The following ADAMTSL3 variants were observed in gnomAD, a reference collection of about 807,000 sequenced individuals.
ADAMTSL3 encodes ADAMTS like 3.
ADAMTSL3 carries 128 observed loss-of-function variants against 201.7 expected under a neutral mutation model. That is an observed-to-expected ratio of 0.63 (90% CI 0.55 to 0.73). The LOEUF (loss-of-function observed/expected upper bound fraction) is 0.73, where lower values mean the gene tolerates loss of function less well. Ranked by LOEUF, ADAMTSL3 falls within the 30% of genes least tolerant of loss-of-function variation. The pLI, the probability that ADAMTSL3 is intolerant of heterozygous loss-of-function variation, is 0.00. For synonymous variants in ADAMTSL3, 738 were observed against 748.4 expected, an observed-to-expected ratio of 0.99 and a Z score of 0.23; for missense variants, 1,990 against 2,119.6, an observed-to-expected ratio of 0.94 and a Z score of 1.20.
chr15:83,683,797 GTC>G lies in ADAMTSL3; in HGVS notation c.70-20589_70-20588del, dbSNP rs1435685961. Among the ~76,000 whole-genome samples the G allele has an allele frequency of 2.6e-5, 4 of 152,182 alleles. No individual in the cohort carries two copies. In the South Asian group the frequency reaches 6.2e-4, roughly 24 times the overall value. ...CCATTCCATGGCCCTTTCCACACTT[GTC>G]TCATACTTTCAACACCTGAGCTTCT... On this transcript the variant is annotated intron_variant, in intron 2 of 29. Coordinates refer to ENST00000286744, the MANE Select transcript of ADAMTSL3 (RefSeq NM_207517.3).
chr15:83,834,149 C>G (rs542525775), intron 6 of ADAMTSL3, among the ~76,000 whole-genome samples: 1 of 152,284 alleles, frequency 6.6e-6, no homozygotes, highest in Non-Finnish European at 1.5e-5. Flanking sequence ...TAGAACGTCT[C>G]GGAGACTCAG....
chr15:83,787,351 ACATTTTATTC>A (rs2063281167), intron 4 of ADAMTSL3, among the ~76,000 whole-genome samples: 2 of 152,198 alleles, frequency 1.3e-5, no homozygotes, highest in Non-Finnish European at 2.9e-5. Flanking sequence ...TAAATTTAAT[ACATTTTATTC>A]CATAAATTAA....
chr15:83,867,934 A>G (rs2065009357), intron 8 of ADAMTSL3, among the ~76,000 whole-genome samples: 1 of 152,240 alleles, frequency 6.6e-6, no homozygotes, highest in Non-Finnish European at 1.5e-5. Flanking sequence ...TAAAGGCATC[A>G]CTAGAGACCT....
chr15:83,818,360 T>C (rs940764908), intron 5 of ADAMTSL3, among the ~76,000 whole-genome samples: 1 of 152,230 alleles, frequency 6.6e-6, no homozygotes, highest in African/African-American at 2.4e-5. Flanking sequence ...AGAGTCTCGC[T>C]CTGTCACTCA....
At position 84,025,344 on chromosome 15, in the gene ADAMTSL3, G is replaced by T. The variant is rs201111545; in HGVS notation, c.4564G>T (p.Val1522Leu). Residue 1522 changes from valine (V) to leucine (L), a missense_variant, in exon 27 of 30, where the codon GTG (valine) becomes TTG (leucine). Physicochemically the swap from Val to Leu is conservative, Grantham distance 32. Transcript: ENST00000286744. ...AAAAGCCAATGGAACTGTGCAGGTG[G>T]TGTCTCCAAGAGCATGTGCCCCTAA... is the stretch of plus-strand genomic sequence containing the variant. ...RTKANGTVQV[V>L]SPRACAPKDR... 9 of 1,614,190 alleles carry T rather than the reference G, an allele frequency of 5.6e-6. No homozygotes were observed. Among genetic ancestry groups the T allele is most frequent in the Non-Finnish European group, 7.6e-6 (9 of 1,180,030 alleles).
At chr15:83,887,712 C>T (rs2065423871) in intron 10 of ADAMTSL3, among the ~76,000 whole-genome samples, 1 of 152,158 alleles carries the variant, frequency 6.6e-6, no homozygotes, top group South Asian at 2.1e-4. Flanking sequence ...GCCTCAGCTT[C>T]CCGAGTAGCT....
At chr15:83,702,753 G>A (rs1485202251) in intron 2 of ADAMTSL3, among the ~76,000 whole-genome samples, 1 of 152,194 alleles carries the variant, frequency 6.6e-6, no homozygotes, top group Non-Finnish European at 1.5e-5. Flanking sequence ...GCAGGGGCGG[G>A]GCCCTCATGA....
Position 83,910,751 on chromosome 15 carries a change from C to T in ADAMTSL3, c.1701-2341C>T, listed in dbSNP as rs539107247. ...CTTGGTTCAGGCGATTCTCCTGCCT[C>T]AGCCTCCCAAGTAGCTGGGATTACA... On this transcript the variant is annotated intron_variant, in intron 15 of 29. Coordinates refer to ENST00000286744, the MANE Select transcript of ADAMTSL3 (RefSeq NM_207517.3). Among the ~76,000 whole-genome samples, 10 of 151,652 alleles carry T rather than the reference C, an allele frequency of 6.6e-5. 1 individual carries two copies. The South Asian group carries it at 2.1e-3, about 32-fold the overall frequency.
intron 23 of ADAMTSL3, among the ~76,000 whole-genome samples, chr15:84,002,112 A>G (rs2067800890): frequency 6.6e-6 from 1 of 152,182 alleles, no homozygotes; most frequent in Non-Finnish European, 1.5e-5. Context: ...TGCATTTTTT[A>G]TCAATCTCAG....
intron 5 of ADAMTSL3, among the ~76,000 whole-genome samples, chr15:83,812,494 G>T (rs950220130): frequency 6.6e-6 from 1 of 152,178 alleles, no homozygotes; most frequent in Non-Finnish European, 1.5e-5. Flanking sequence ...TTCCAGGACC[G>T]TAAAAGCCCT....
intron 19 of ADAMTSL3, among the ~76,000 whole-genome samples, chr15:83,965,219 G>C (rs750500350): frequency 2.6e-5 from 4 of 152,042 alleles, no homozygotes; most frequent in Non-Finnish European, 5.9e-5. Flanking sequence ...TTAAAAGACA[G>C]AGACTGGCAA....
chr15:83,883,936 C>T (rs544515697), intron 9 of ADAMTSL3, among the ~76,000 whole-genome samples: 24 of 149,380 alleles, frequency 1.6e-4, no homozygotes, highest in South Asian at 6.4e-4. Flanking sequence ...TTTGTTGCCC[C>T]GGCTGGAGTG....
Position 83,703,400 on chromosome 15 carries a change from A to G in ADAMTSL3, c.70-989A>G, listed in dbSNP as rs2061802129. On this transcript the variant is annotated intron_variant, in intron 2 of 29. Transcript: ENST00000286744. ...ATTTGGAGGGGCCAGGGGTGGAGTG[A>G]TATGGTTTGGCTCTGTGTCCCCACT... 2.0e-5 allele frequency among the ~76,000 whole-genome samples: 3 copies of G among 152,160 alleles called. 1 individual carries two copies. The South Asian group carries it at 6.2e-4, about 32-fold the overall frequency.
At chr15:83,675,779 A>G (rs1596008241) in intron 2 of ADAMTSL3, among the ~76,000 whole-genome samples, 1 of 152,084 alleles carries the variant, frequency 6.6e-6, no homozygotes, top group Non-Finnish European at 1.5e-5. Flanking sequence ...TAACAGTTAT[A>G]TAGTATTATT....
At chr15:83,742,399 A>C (rs1045514795) in intron 3 of ADAMTSL3, among the ~76,000 whole-genome samples, 1 of 152,158 alleles carries the variant, frequency 6.6e-6, no homozygotes, top group Non-Finnish European at 1.5e-5. Context: ...CTAAACTTCC[A>C]ACTTATGACA....
rs775430764 is a variant in ADAMTSL3 at position 84,036,748 on chromosome 15, CGTTTT to C, written c.4755-19_4755-15del. The C allele has an allele frequency of 3.2e-6, 5 of 1,573,876 alleles. No individual in the cohort carries two copies. Among genetic ancestry groups the C allele is most frequent in the East Asian group, 2.3e-5 (1 of 44,240 alleles). On this transcript the variant is annotated intron_variant, in intron 28 of 29. Coordinates refer to ENST00000286744, the MANE Select transcript of ADAMTSL3 (RefSeq NM_207517.3). ...CTGCCTCTCCTATTTTTTGTTTTTC[CGTTTT>C]GTTTTATTTTTCACTTCAGACCCAC...
chr15:83,768,018 T>C (rs1263764011), intron 3 of ADAMTSL3, among the ~76,000 whole-genome samples: 1 of 152,048 alleles, frequency 6.6e-6, no homozygotes, highest in Non-Finnish European at 1.5e-5. Context: ...TTCAAACAGA[T>C]CTCAACAGGC....
At chr15:83,665,882 AAAG>A (rs1315311982) in intron 2 of ADAMTSL3, among the ~76,000 whole-genome samples, 7 of 152,226 alleles carry the variant, frequency 4.6e-5, no homozygotes, top group Non-Finnish European at 8.8e-5. Context: ...ATTTAAAAAC[AAAG>A]AAGAGTAACT....
chr15:83,662,837 G>A (rs1288413572), intron 2 of ADAMTSL3, among the ~76,000 whole-genome samples: 1 of 152,088 alleles, frequency 6.6e-6, no homozygotes, highest in Non-Finnish European at 1.5e-5. Flanking sequence ...AAGGGGAAGG[G>A]GATAAGGGCT....
Sources: gnomAD v4.1 joint callset for allele counts (sites outside exome capture counted in the v4.1 genomes callset) on GRCh38, gnomAD v4.1.1 for gene constraint, MANE v1.5 for transcripts, NCBI Gene and HGNC (gene_info 2026-07-23, HGNC 2026-07-21) for gene names.